The following SKAP1 variants were observed in gnomAD, a reference collection of about 807,000 sequenced individuals.
SKAP1 encodes the protein src kinase-associated phosphoprotein 1.
SKAP1 carries 44 observed loss-of-function variants against 58.5 expected under a neutral mutation model. The observed-to-expected ratio is 0.75, with a 90% confidence interval of 0.59 to 0.97. SKAP1 has a LOEUF of 0.97. Ranked by LOEUF, SKAP1 falls within the 50% of genes least tolerant of loss-of-function variation. SKAP1 has a pLI of 0.00. For missense variants in SKAP1, 390 were observed against 435.2 expected (o/e 0.90, Z 0.92); for synonymous variants, 127 against 149.7 (o/e 0.85, Z 1.11).
At chr17:48,222,776 C>A (rs1567826850) in intron 4 of SKAP1, among the ~76,000 whole-genome samples, 1 of 151,166 alleles carries the variant, frequency 6.6e-6, no homozygotes, top group African/African-American at 2.4e-5. Context: ...CCTAAAATGT[C>A]CTCTTAAGGC....
chr17:48,260,120 T>A (rs1455065290), intron 4 of SKAP1, among the ~76,000 whole-genome samples: 2 of 151,826 alleles, frequency 1.3e-5, no homozygotes, highest in African/African-American at 2.4e-5. Context: ...GATGACAAAA[T>A]TAGAAAAAAA....
the SKAP1 span, among the ~76,000 whole-genome samples, chr17:48,435,283 T>C: frequency 3.9e-5 from 6 of 152,106 alleles, no homozygotes; most frequent in Non-Finnish European, 8.8e-5. Flanking sequence ...GATATCCCCG[T>C]TGGGCACTGC....
intron 2 of SKAP1, among the ~76,000 whole-genome samples, chr17:48,393,093 G>T (rs2067370891): frequency 6.6e-6 from 1 of 152,064 alleles, no homozygotes; most frequent in South Asian, 2.1e-4. Context: ...AAGTGCCTTT[G>T]CCTGGCTTTC....
At chr17:48,433,672 A>G (rs1236152983), upstream of SKAP1, among the ~76,000 whole-genome samples, 1 of 152,314 alleles carries the variant, frequency 6.6e-6, no homozygotes, top group East Asian at 1.9e-4. Context: ...TTGTAATTAG[A>G]TAAGATAAGG....
chr17:48,340,533 T>A (rs2066637422), intron 4 of SKAP1, among the ~76,000 whole-genome samples: 1 of 152,120 alleles, frequency 6.6e-6, no homozygotes, highest in Non-Finnish European at 1.5e-5. Context: ...ACATAGCACA[T>A]AAGCAAAACC....
chr17:48,203,562 G>T (rs1253686069), intron 4 of SKAP1: 1 of 152,190 alleles, frequency 6.6e-6, no homozygotes, highest in Non-Finnish European at 1.5e-5. Flanking sequence ...TGCACGTCAG[G>T]TGTGTTTAAC....
the SKAP1 span, among the ~76,000 whole-genome samples, chr17:48,438,806 G>A: frequency 6.6e-6 from 1 of 152,132 alleles, no homozygotes; most frequent in Non-Finnish European, 1.5e-5. Context: ...CTTTAGTCTG[G>A]AGAGCTGCCA....
At chr17:48,263,928 C>T (rs1012619432) in intron 4 of SKAP1, among the ~76,000 whole-genome samples, 3 of 152,066 alleles carry the variant, frequency 2.0e-5, no homozygotes, top group Non-Finnish European at 2.9e-5. Flanking sequence ...GGAGAGCAAA[C>T]GAGAGTGTCT....
intron 2 of SKAP1, among the ~76,000 whole-genome samples, chr17:48,378,203 T>A (rs1250457094): frequency 1.3e-5 from 2 of 151,946 alleles, no homozygotes; most frequent in Non-Finnish European, 2.9e-5. Context: ...GCCCTCATCC[T>A]CCTCCCTTTG....
chr17:48,345,074 A>T (rs1315633704), intron 4 of SKAP1, among the ~76,000 whole-genome samples: 1 of 152,100 alleles, frequency 6.6e-6, no homozygotes, highest in Non-Finnish European at 1.5e-5. Context: ...CATGAGAGAG[A>T]CTCTGATAAG....
intron 1 of SKAP1, among the ~76,000 whole-genome samples, chr17:48,411,241 A>C (rs772424267): frequency 1.4e-4 from 22 of 151,796 alleles, no homozygotes; most frequent in Non-Finnish European, 2.9e-4. Flanking sequence ...CTCTACCAAA[A>C]ATACAAAAAT....
intron 4 of SKAP1, among the ~76,000 whole-genome samples, chr17:48,298,066 C>T (rs1228812631): frequency 6.6e-6 from 1 of 152,206 alleles, no homozygotes; most frequent in African/African-American, 2.4e-5. Context: ...GCACATTTGA[C>T]CTGCCTCTTG....
chr17:48,276,922 G>A (rs1027907012), intron 4 of SKAP1, among the ~76,000 whole-genome samples: 6 of 152,202 alleles, frequency 3.9e-5, no homozygotes, highest in Admixed American at 6.5e-5. Context: ...TGTAACAAGT[G>A]CATTGAGATC....
At chr17:48,341,166 C>T (rs868693821) in intron 4 of SKAP1, among the ~76,000 whole-genome samples, 2 of 152,226 alleles carry the variant, frequency 1.3e-5, no homozygotes, top group South Asian at 2.1e-4. Flanking sequence ...GAATAGTAAA[C>T]ACTCGATAAA....
At chr17:48,384,773 T>C (rs961116543) in intron 2 of SKAP1, among the ~76,000 whole-genome samples, 1 of 152,202 alleles carries the variant, frequency 6.6e-6, no homozygotes, top group Non-Finnish European at 1.5e-5. Context: ...CAGCAGGGTA[T>C]GCCCAGCTTT....
chr17:48,371,685 A>AAAAAAAC (rs2067088249), intron 2 of SKAP1, among the ~76,000 whole-genome samples: 3 of 121,722 alleles, frequency 2.5e-5, no homozygotes, highest in Admixed American at 8.5e-5. Context: ...AAAAAAAAAA[A>AAAAAAAC]AGCCAGGCAT....
At chr17:48,153,894 T>TA (rs1259590946) in intron 11 of SKAP1, among the ~76,000 whole-genome samples, 2,506 of 99,156 alleles carry the variant, frequency 0.025, 41 homozygotes, top group African/African-American at 0.064. Context: ...GCCCTGAAAT[T>TA]AAAAAAAAAA....
At chr17:48,288,322 G>A (rs2065857809) in intron 4 of SKAP1, among the ~76,000 whole-genome samples, 1 of 152,114 alleles carries the variant, frequency 6.6e-6, no homozygotes. Context: ...GGTTTTTTAA[G>A]CTATAATTCA....
intron 4 of SKAP1, among the ~76,000 whole-genome samples, chr17:48,269,487 CAG>C (rs1465535093): frequency 6.6e-6 from 1 of 152,176 alleles, no homozygotes; most frequent in African/African-American, 2.4e-5. Flanking sequence ...TATTTCCAGG[CAG>C]AGTTAACCTG....
Sources: gnomAD v4.1 joint callset for allele counts (sites outside exome capture counted in the v4.1 genomes callset) on GRCh38, gnomAD v4.1.1 for gene constraint, MANE v1.5 for transcripts, NCBI Gene and HGNC (gene_info 2026-07-23, HGNC 2026-07-21) for gene names.